Variants in POPDC3 observed in about 807,000 individuals in gnomAD.
POPDC3 encodes the protein popeye domain cAMP effector 3, also known as popeye domain-containing protein 3.
Under a neutral mutation model 28.2 loss-of-function variants are expected in POPDC3, and 20 were observed. That is an observed-to-expected ratio of 0.71 (90% CI 0.50 to 1.03). The LOEUF (loss-of-function observed/expected upper bound fraction) is 1.03, where lower values mean the gene tolerates loss of function less well. POPDC3 is among the 50% of genes least tolerant of loss of function. The pLI, the probability that POPDC3 is intolerant of heterozygous loss-of-function variation, is 0.00. For synonymous variants in POPDC3, 118 were observed against 124.1 expected (o/e 0.95, Z 0.33); for missense variants, 316 against 345.9 (o/e 0.91, Z 0.69).
intron 3 of POPDC3, chr6:105,158,976 CTGTT>C (rs1182518133): frequency 2.6e-6 from 1 of 378,430 alleles, no homozygotes; most frequent in Non-Finnish European, 4.7e-6. Flanking sequence ...TTCAATCTGT[CTGTT>C]TTTCTAAGTT....
At chr6:105,177,197 G>A (rs1774697323) in intron 1 of POPDC3, 1 of 152,538 alleles carries the variant, frequency 6.6e-6, no homozygotes, top group Admixed American at 6.6e-5. Flanking sequence ...ACCAGTCGCT[G>A]CCCATCCACT....
rs1451228545 is a variant in POPDC3 at position 105,159,815 on chromosome 6, T to G, written c.490A>C (p.Arg164=). 2.5e-6 allele frequency: 4 copies of G among 1,607,824 alleles called. No homozygotes were observed. The highest frequency in any genetic ancestry group is 3.3e-4 in the Middle Eastern group (2 of 6,062). The part of the protein sequence containing the change: ...KLSLLVSGRI[R]VTVDGEFLHY... ...AGAAATTCGCCATCAACTGTCACTC[T>G]GATCCTATCAAAACACAAGAACAAC... Residue 164 remains arginine (R), a synonymous_variant, in exon 3 of 4, where the codon AGA becomes CGA. Transcript: ENST00000254765.
At chr6:105,158,882 C>A in intron 3 of POPDC3, 131 bp from the exon 4 acceptor site, 1 of 677,826 alleles carries the variant, frequency 1.5e-6, no homozygotes, top group South Asian at 2.6e-5. Flanking sequence ...CACTGACCTA[C>A]AATATATTGC....
chr6:105,166,448 T>C (rs1228402423), intron 1 of POPDC3: 2 of 343,794 alleles, frequency 5.8e-6, no homozygotes, highest in Admixed American at 4.4e-5. Flanking sequence ...ATCTAAGAGA[T>C]AGGAAGGAGG....
intron 1 of POPDC3, chr6:105,177,007 A>G (rs980889549): frequency 3.7e-6 from 1 of 269,438 alleles, no homozygotes; most frequent in African/African-American, 2.2e-5. Context: ...TGATTTTGGG[A>G]AACAATATGG....
chr6:105,159,565 T>C (rs971913638), intron 3 of POPDC3, 146 bp downstream of exon 3: 7 of 536,556 alleles, frequency 1.3e-5, no homozygotes, highest in East Asian at 6.3e-5. Flanking sequence ...TCCAGCAGAA[T>C]TGGGAAAGTC....
intron 1 of POPDC3, among the ~76,000 whole-genome samples, chr6:105,176,728 TG>T (rs1183717664): frequency 6.6e-6 from 1 of 152,152 alleles, no homozygotes; most frequent in Non-Finnish European, 1.5e-5. Flanking sequence ...GGCTAATTTT[TG>T]TATTTTTAGT....
At chr6:105,170,425 T>C (rs1015238023) in intron 1 of POPDC3, among the ~76,000 whole-genome samples, 2 of 152,208 alleles carry the variant, frequency 1.3e-5, no homozygotes, top group African/African-American at 4.8e-5. Flanking sequence ...GATCAAGTTT[T>C]CAAGTTACTT....
chr6:105,161,376 C>G, intron 2 of POPDC3, 49 bp downstream of exon 2: 13 of 1,562,214 alleles, frequency 8.3e-6, no homozygotes, highest in Non-Finnish European at 1.1e-5. Context: ...GAAAGAAACA[C>G]AAACAACTAA....
intron 1 of POPDC3, among the ~76,000 whole-genome samples, chr6:105,173,292 CTGTT>C (rs1197943581): frequency 1.3e-5 from 2 of 152,140 alleles, no homozygotes; most frequent in African/African-American, 4.8e-5. Context: ...TAAAGTGCTT[CTGTT>C]TATCTCTTTT....
chr6:105,173,250 A>T (rs1774615235), intron 1 of POPDC3, among the ~76,000 whole-genome samples: 1 of 152,240 alleles, frequency 6.6e-6, no homozygotes, highest in Non-Finnish European at 1.5e-5. Context: ...ATAAGCTGAG[A>T]TTCCACAAAA....
At position 105,178,846 on chromosome 6, in the gene POPDC3, T is replaced by C. The variant is rs117763826; in HGVS notation, c.-252+987A>G. ...AACAAGAAGGAAAAAAAATAGCCAC[T>C]AAACTTAGTATGAACAGGCAACAAT... On this transcript the variant is annotated intron_variant, in intron 1 of 3. Transcript: ENST00000254765. The C allele has an allele frequency of 1.2e-4, 114 of 985,364 alleles. 1 individual carries two copies. In the East Asian group the frequency reaches 7.7e-3, roughly 67 times the overall value. 61.0% of individuals were successfully genotyped at this position (985,364 alleles called of 1,614,324 possible). A position where few individuals can be genotyped will look rare whatever the true frequency, so the allele number is the denominator to read the frequency against.
At chr6:105,175,516 T>G (rs1774666100) in intron 1 of POPDC3, among the ~76,000 whole-genome samples, 1 of 142,442 alleles carries the variant, frequency 7.0e-6, no homozygotes, top group Non-Finnish European at 1.5e-5. Flanking sequence ...CCAGCCTGGG[T>G]GACACAATGC....
intron 2 of POPDC3, among the ~76,000 whole-genome samples, chr6:105,161,144 A>G (rs1774317511): frequency 6.6e-6 from 1 of 152,248 alleles, no homozygotes; most frequent in South Asian, 2.1e-4. Flanking sequence ...GACTTTCAGT[A>G]ATTAGGAAAC....
intron 2 of POPDC3, among the ~76,000 whole-genome samples, chr6:105,161,145 A>G (rs1482178410): frequency 6.6e-6 from 1 of 152,238 alleles, no homozygotes; most frequent in Non-Finnish European, 1.5e-5. Flanking sequence ...ACTTTCAGTA[A>G]TTAGGAAACA....
chr6:105,165,955 A>T (rs1774447017), intron 1 of POPDC3, among the ~76,000 whole-genome samples: 1 of 152,226 alleles, frequency 6.6e-6, no homozygotes, highest in Non-Finnish European at 1.5e-5. Context: ...GCATATTTTT[A>T]AAATTATCTC....
intron 1 of POPDC3, among the ~76,000 whole-genome samples, chr6:105,170,916 G>A (rs193152669): frequency 1.3e-5 from 2 of 152,324 alleles, no homozygotes; most frequent in Admixed American, 6.5e-5. Flanking sequence ...TTGCTAGGGA[G>A]GTGGAATGGG....
chr6:105,179,691 GC>G (rs922682473), intron 1 of POPDC3, 141 bp downstream of exon 1: 4 of 152,460 alleles, frequency 2.6e-5, no homozygotes, highest in African/African-American at 9.7e-5. Flanking sequence ...GCAGCGCGGG[GC>G]AGCGAGACGC....
chr6:105,160,880 T>A (rs1267339699), intron 2 of POPDC3, among the ~76,000 whole-genome samples: 1 of 151,848 alleles, frequency 6.6e-6, no homozygotes, highest in Admixed American at 6.6e-5. Context: ...GGATTACAGG[T>A]GTTTTTGGGA....
Sources: allele counts gnomAD v4.1 joint callset (sites outside exome capture counted in the v4.1 genomes callset), GRCh38; gene constraint gnomAD v4.1.1; transcripts MANE v1.5; gene names NCBI Gene and HGNC (gene_info 2026-07-23, HGNC 2026-07-21).